Variants in RC3H1 observed in about 807,000 individuals in gnomAD.
RC3H1 encodes the protein ring finger and CCCH-type domains 1, also known as roquin-1.
Under a neutral mutation model 138.2 loss-of-function variants are expected in RC3H1, and 50 were observed. The observed-to-expected ratio is 0.36, with a 90% confidence interval of 0.29 to 0.46. The LOEUF (loss-of-function observed/expected upper bound fraction) is 0.46, where lower values mean the gene tolerates loss of function less well. Among genes scored for constraint, RC3H1 ranks in the 20% least tolerant of loss-of-function variants. RC3H1 has a pLI of 1.00. For missense variants in RC3H1, 1,031 were observed against 1,388.1 expected (o/e 0.74, Z 4.09); for synonymous variants, 462 against 489.1 (o/e 0.94, Z 0.73).
intron 1 of RC3H1, among the ~76,000 whole-genome samples, chr1:174,014,921 A>G (rs1459329555): frequency 6.6e-6 from 1 of 152,204 alleles, no homozygotes; most frequent in Non-Finnish European, 1.5e-5. Context: ...TTTTCCCACA[A>G]TGAATTTTCC....
intron 1 of RC3H1, among the ~76,000 whole-genome samples, chr1:173,999,124 C>T (rs1661513244): frequency 6.6e-6 from 1 of 151,284 alleles, no homozygotes; most frequent in African/African-American, 2.4e-5. Context: ...CGTGGTGGCT[C>T]ACACCTGTAA....
In RC3H1 at chr1:173,951,857, C is replaced by T. The variant is rs75247359; in HGVS notation, c.2523+129G>A. 0.022 allele frequency: 15,564 copies of T among 705,964 alleles called. 1,840 individuals carry two copies. The African/African-American group carries it at 0.25, about 11-fold the overall frequency. The allele number at this position is 705,964 out of a possible 1,614,324, so 43.7% of individuals were successfully genotyped here. A position where few individuals can be genotyped will look rare whatever the true frequency, so the allele number is the denominator to read the frequency against. ...CCTATACTGTTTAAAGATAACTCAA[C>T]TGCAGAGTATAGAATATGGTCTGAA... is the stretch of plus-strand genomic sequence containing the variant. On this transcript the variant is annotated intron_variant, in intron 14 of 19. Transcript: ENST00000367696.
At chr1:173,986,591 C>G (rs943738747) in intron 2 of RC3H1, among the ~76,000 whole-genome samples, 2 of 151,988 alleles carry the variant, frequency 1.3e-5, no homozygotes, top group African/African-American at 4.8e-5. Flanking sequence ...GAGACAAAGT[C>G]TCACTCTGTC....
chr1:173,983,362 C>T, intron 4 of RC3H1, 56 bp downstream of exon 4: 3 of 1,589,360 alleles, frequency 1.9e-6, no homozygotes, highest in African/African-American at 2.7e-5. Flanking sequence ...CTTATAATTC[C>T]TACATCATAC....
At chr1:174,007,150 G>A (rs1331287374) in intron 1 of RC3H1, among the ~76,000 whole-genome samples, 1 of 152,126 alleles carries the variant, frequency 6.6e-6, no homozygotes, top group Non-Finnish European at 1.5e-5. Context: ...AGCACTTTGG[G>A]AGGCCAAGGC....
intron 5 of RC3H1, among the ~76,000 whole-genome samples, chr1:173,981,892 T>A (rs952622047): frequency 6.6e-6 from 1 of 151,544 alleles, no homozygotes; most frequent in Non-Finnish European, 1.5e-5. Context: ...AGAGCAAGAC[T>A]GCATCTCAAA....
Position 173,972,518 on chromosome 1 carries a change from A to G in RC3H1, c.1212T>C (p.Asp404=). Residue 404 remains aspartate (D), a synonymous_variant, in exon 8 of 20, where the codon GAT becomes GAC. Transcript: ENST00000367696. ...YIQNHSKKGA[D]QQQPPQHSKY... ...TAAACAGCTTCCTTACCTGCTGCTG[A>G]TCTGCTCCTTTTTTGCTGTGGTTCT... 1 of 1,612,586 alleles carries G rather than the reference A, an allele frequency of 6.2e-7. No homozygotes were observed. Among genetic ancestry groups the G allele is most frequent in the Non-Finnish European group, 8.5e-7 (1 of 1,178,596 alleles).
chr1:173,996,646 T>C (rs763956306), intron 1 of RC3H1, among the ~76,000 whole-genome samples: 1 of 152,160 alleles, frequency 6.6e-6, no homozygotes, highest in Admixed American at 6.5e-5. Flanking sequence ...GGAGAAGCTA[T>C]AGCTTCACTA....
In RC3H1 at chr1:173,936,196, CTTTTA is replaced by C. The variant is rs1318893479; in HGVS notation, c.*2520_*2524del. The C allele has an allele frequency of 1.3e-5, 2 of 152,106 alleles. No homozygotes were observed. The highest frequency in any genetic ancestry group is 4.8e-5 in the African/African-American group (2 of 41,430). The allele number at this position is 152,106 out of a possible 1,614,324, so 9.4% of individuals were successfully genotyped here. A position where few individuals can be genotyped will look rare whatever the true frequency, so the allele number is the denominator to read the frequency against. The stretch of plus-strand genomic sequence containing the variant: ...AACTGATATCCAAAATGAATCTTTA[CTTTTA>C]TTTTAAACTTAAACAAAAATTAATA... On this transcript the variant is annotated 3_prime_UTR_variant, in exon 20 of 20. Coordinates refer to ENST00000367696, the MANE Select transcript of RC3H1 (RefSeq NM_172071.4).
rs1411075125 is a variant in RC3H1 at position 173,932,080 on chromosome 1, G to A, written c.*6641C>T. The A allele has an allele frequency of 8.6e-5, 13 of 152,042 alleles. No individual in the cohort carries two copies. Among genetic ancestry groups the A allele is most frequent in the Admixed American group, 8.5e-4 (13 of 15,262 alleles). 9.4% of individuals were successfully genotyped at this position (152,042 alleles called of 1,614,324 possible). ...GTGTAAGTGATTTCACTTACAACCT[G>A]ACTCAAATCTCATGGGCTCCTTTAT... is the stretch of plus-strand genomic sequence containing the variant. On this transcript the variant is annotated 3_prime_UTR_variant, in exon 20 of 20. Coordinates refer to ENST00000367696, the MANE Select transcript of RC3H1 (RefSeq NM_172071.4).
intron 2 of RC3H1, among the ~76,000 whole-genome samples, chr1:173,986,182 C>T (rs1034702752): frequency 4.6e-5 from 7 of 151,992 alleles, no homozygotes; most frequent in South Asian, 4.2e-4. Context: ...CCACCACACT[C>T]GACTAACAAT....
chr1:173,960,953 T>TA (rs1214397626), intron 13 of RC3H1, 124 bp downstream of exon 13: 3 of 888,516 alleles, frequency 3.4e-6, no homozygotes, highest in Middle Eastern at 2.5e-4. Flanking sequence ...AGTTAAATGA[T>TA]AAAAAACCTT....
chr1:174,014,578 A>C (rs1661824338), intron 1 of RC3H1, among the ~76,000 whole-genome samples: 1 of 152,228 alleles, frequency 6.6e-6, no homozygotes, highest in African/African-American at 2.4e-5. Flanking sequence ...TTCTATATTA[A>C]CATTTTACAG....
At chr1:174,002,412 T>C (rs1460190967) in intron 1 of RC3H1, among the ~76,000 whole-genome samples, 1 of 152,198 alleles carries the variant, frequency 6.6e-6, no homozygotes, top group Non-Finnish European at 1.5e-5. Context: ...TACTATCCTA[T>C]AGAATCCTCA....
At chr1:173,991,612 T>C (rs1170816934) in intron 2 of RC3H1, among the ~76,000 whole-genome samples, 1 of 152,206 alleles carries the variant, frequency 6.6e-6, no homozygotes, top group African/African-American at 2.4e-5. Flanking sequence ...TTTTCATCCA[T>C]GTCCTTTGGG....
At chr1:173,949,137 G>T (rs575114441) in intron 14 of RC3H1, among the ~76,000 whole-genome samples, 1 of 97,402 alleles carries the variant, frequency 1.0e-5, no homozygotes, top group African/African-American at 3.4e-5. Flanking sequence ...TTTGGGGGGG[G>T]GGGTGGGGCT....
intron 4 of RC3H1, 94 bp downstream of exon 4, chr1:173,983,324 A>G: frequency 4.2e-6 from 6 of 1,432,214 alleles, no homozygotes; most frequent in Non-Finnish European, 5.7e-6. Context: ...ACAATAAAAT[A>G]CTGCAAAGAA....
chr1:174,011,251 C>A (rs1297000450), intron 1 of RC3H1, among the ~76,000 whole-genome samples: 5 of 151,154 alleles, frequency 3.3e-5, no homozygotes, highest in African/African-American at 1.2e-4. Flanking sequence ...TGAATAAATC[C>A]AAAGAATCCA....
chr1:173,972,799 C>A (rs772084490), intron 7 of RC3H1, among the ~76,000 whole-genome samples, 172 bp from the exon 8 acceptor site: 11 of 152,170 alleles, frequency 7.2e-5, no homozygotes, highest in Non-Finnish European at 1.5e-4. Flanking sequence ...TGGACATATT[C>A]TTTCAAAGCT....
Sources: gnomAD v4.1 joint callset for allele counts (sites outside exome capture counted in the v4.1 genomes callset) on GRCh38, gnomAD v4.1.1 for gene constraint, MANE v1.5 for transcripts, NCBI Gene and HGNC (gene_info 2026-07-23, HGNC 2026-07-21) for gene names.